Variants in ELFN2 observed in about 807,000 individuals in gnomAD.
ELFN2 encodes the protein protein phosphatase 1 regulatory subunit 29.
In ELFN2, 17 loss-of-function variants were observed where a neutral mutation model predicts 45.5. The ratio of observed to expected loss-of-function variants is 0.37; its 90% CI spans 0.26 to 0.56. The LOEUF is 0.56. ELFN2 is among the 20% of genes least tolerant of loss of function. The pLI is 0.77. For synonymous variants in ELFN2, 550 were observed against 551.5 expected, an observed-to-expected ratio of 1.00 and a Z score of 0.04; for missense variants, 922 against 1,183.2, an observed-to-expected ratio of 0.78 and a Z score of 3.24.
At chr22:37,410,139 C>T (rs1392707949) in intron 2 of ELFN2, among the ~76,000 whole-genome samples, 1 of 152,130 alleles carries the variant, frequency 6.6e-6, no homozygotes, top group East Asian at 1.9e-4. Context: ...TCTCCTGCGG[C>T]CTGAGAGACA....
chr22:37,360,557 C>G (rs1160215538), intron 1 of ELFN2, among the ~76,000 whole-genome samples: 1 of 152,288 alleles, frequency 6.6e-6, no homozygotes, highest in South Asian at 2.1e-4. Context: ...CTGTACACCC[C>G]ACGCCACCCC....
chr22:37,415,797 C>G (rs148247654), intron 2 of ELFN2, among the ~76,000 whole-genome samples: 5 of 152,160 alleles, frequency 3.3e-5, no homozygotes, highest in Admixed American at 3.3e-4. Flanking sequence ...TCCATCTCTA[C>G]TAAAAATACA....
At chr22:37,352,370 G>A (rs1251162379) in intron 1 of ELFN2, 1 of 150,910 alleles carries the variant, frequency 6.6e-6, no homozygotes, top group Non-Finnish European at 1.5e-5. Context: ...CACCTGCTGT[G>A]TGTCAGGCAC....
intron 2 of ELFN2, among the ~76,000 whole-genome samples, chr22:37,415,138 G>A (rs928153978): frequency 2.6e-5 from 4 of 152,158 alleles, no homozygotes; most frequent in Admixed American, 6.5e-5. Flanking sequence ...ACAGTTACCC[G>A]TCACTTCCCA....
intron 2 of ELFN2, among the ~76,000 whole-genome samples, chr22:37,416,839 C>T (rs1191315463): frequency 6.6e-6 from 1 of 152,188 alleles, no homozygotes; most frequent in Admixed American, 6.5e-5. Flanking sequence ...CCCTTCAGGG[C>T]ACCCATCACT....
rs766050763 is a variant in ELFN2 at position 37,375,186 on chromosome 22, T to A, written c.349A>T (p.Asn117Tyr). ...VLQLGYNKLSNLTEGMLRGMS... is the reference protein window; with the variant it reads ...VLQLGYNKLSYLTEGMLRGMS... ...CCTCGCAGCATGCCCTCCGTCAGGT[T>A]GCTGAGCTTGTTGTAGCCCAGCTGC... The change falls in exon 3 of 3, where the codon AAC becomes TAC. Residue 117 changes from asparagine to tyrosine, a missense_variant. This residue lies in a region of ELFN2 where 358 missense variants were observed against 540.4 expected (regional missense o/e 0.66). Coordinates refer to ENST00000402918, the MANE Select transcript of ELFN2 (RefSeq NM_052906.5). The A allele has an allele frequency of 2.2e-5, 36 of 1,613,978 alleles. No individual in the cohort carries two copies. The highest frequency in any genetic ancestry group is 2.9e-5 in the Non-Finnish European group (34 of 1,180,036).
At chr22:37,377,089 G>A (rs1014256991) in intron 2 of ELFN2, among the ~76,000 whole-genome samples, 2 of 152,216 alleles carry the variant, frequency 1.3e-5, no homozygotes, top group African/African-American at 4.8e-5. Flanking sequence ...CCACTTGATG[G>A]GGGAGAAGAA....
chr22:37,399,122 C>T (rs770837768), intron 2 of ELFN2, among the ~76,000 whole-genome samples: 5 of 152,114 alleles, frequency 3.3e-5, no homozygotes, highest in African/African-American at 1.2e-4. Flanking sequence ...GGCACGTGAG[C>T]TTCTTACCCC....
At chr22:37,423,488 C>G (rs925029816) in intron 1 of ELFN2, among the ~76,000 whole-genome samples, 2 of 152,136 alleles carry the variant, frequency 1.3e-5, no homozygotes, top group African/African-American at 4.8e-5. Context: ...TTCGAGGGTT[C>G]CAGTCCTGGT....
intron 2 of ELFN2, among the ~76,000 whole-genome samples, chr22:37,412,700 G>A (rs1186239561): frequency 2.0e-5 from 3 of 152,218 alleles, no homozygotes; most frequent in Non-Finnish European, 4.4e-5. Flanking sequence ...CAAGGCACCG[G>A]GACAACCACG....
At chr22:37,354,150 G>A (rs796092653) in intron 1 of ELFN2, 38 of 152,332 alleles carry the variant, frequency 2.5e-4, no homozygotes, top group Middle Eastern at 3.4e-3. Context: ...AAGCGAGGAC[G>A]TCGGGCAGAA....
chr22:37,387,567 G>A (rs889514500), intron 2 of ELFN2, among the ~76,000 whole-genome samples: 9 of 152,066 alleles, frequency 5.9e-5, no homozygotes, highest in Non-Finnish European at 1.2e-4. Flanking sequence ...TGGGCACCTC[G>A]TCCGCGCTGG....
intron 1 of ELFN2, among the ~76,000 whole-genome samples, chr22:37,425,966 G>A (rs965919871): frequency 2.0e-5 from 3 of 151,654 alleles, no homozygotes; most frequent in Non-Finnish European, 2.9e-5. Context: ...CGGGCAGTCC[G>A]CGCCCCACAG....
intron 2 of ELFN2, among the ~76,000 whole-genome samples, chr22:37,391,318 C>G (rs556477121): frequency 6.6e-6 from 1 of 152,310 alleles, no homozygotes; most frequent in Non-Finnish European, 1.5e-5. Flanking sequence ...GACAGTCTCA[C>G]TCACCCTGTA....
rs182957407 is a variant in ELFN2 at position 37,413,906 on chromosome 22, A to G, written c.-463+3863T>C. ...TTCAGCCTGAAACGCAAGGCCTCCC[A>G]GCAAGGTGGTATACAGCAGCAGAAG... On this transcript the variant is annotated intron_variant, in intron 2 of 2. Transcript: ENST00000402918. Among the ~76,000 whole-genome samples, 353 of 152,338 alleles carry G rather than the reference A, an allele frequency of 2.3e-3. 1 individual carries two copies. The highest frequency in any genetic ancestry group is 0.017 in the Middle Eastern group (5 of 294).
intron 1 of ELFN2, among the ~76,000 whole-genome samples, chr22:37,361,351 C>T (rs1171447907): frequency 6.6e-6 from 1 of 151,838 alleles, no homozygotes; most frequent in East Asian, 1.9e-4. Flanking sequence ...CCCCCTTATC[C>T]TGCCCTCCAT....
In ELFN2 at chr22:37,417,164, G is replaced by A. The variant is rs1932768371; in HGVS notation, c.-463+605C>T. Among the ~76,000 whole-genome samples the A allele has an allele frequency of 6.6e-6, 1 of 151,978 alleles. No homozygotes were observed. Among genetic ancestry groups the A allele is most frequent in the Non-Finnish European group, 1.5e-5 (1 of 67,890 alleles). On this transcript the variant is annotated intron_variant, in intron 2 of 2. Coordinates refer to ENST00000402918, the MANE Select transcript of ELFN2 (RefSeq NM_052906.5). The surrounding 1 kb of genome is among the most constrained non-coding windows in gnomAD (Gnocchi z 4.5). ...CTCTCCAGGGCAGCCACCAGCCCCA[G>A]CCAGGACGGAGCAGCTCCTTCTGCC...
At chr22:37,379,546 G>T (rs1373259109) in intron 2 of ELFN2, among the ~76,000 whole-genome samples, 2 of 152,180 alleles carry the variant, frequency 1.3e-5, no homozygotes, top group African/African-American at 4.8e-5. Context: ...CTCTTTAAGG[G>T]GCACTCTCTC....
chr22:37,385,213 G>C (rs932326790), intron 2 of ELFN2: 2 of 152,254 alleles, frequency 1.3e-5, no homozygotes, highest in Admixed American at 6.5e-5. Flanking sequence ...GCACTGGCTG[G>C]GCCTCCGCAC....
Sources: allele counts gnomAD v4.1 joint callset (sites outside exome capture counted in the v4.1 genomes callset), GRCh38; gene constraint gnomAD v4.1.1; regional missense constraint gnomAD v4.1.1; non-coding constraint Gnocchi (gnomAD v3.1); transcripts MANE v1.5; gene names NCBI Gene and HGNC (gene_info 2026-07-23, HGNC 2026-07-21).